Variants in INPP5A observed in about 807,000 individuals in gnomAD.
The protein encoded by INPP5A is inositol polyphosphate-5-phosphatase A, also known as 43 kDa inositol polyphosphate 5-phophatase.
A neutral mutation model predicts 65.2 loss-of-function variants in INPP5A; 14 were observed. That is an observed-to-expected ratio of 0.21 (90% CI 0.14 to 0.34). The LOEUF is 0.34. Among genes scored for constraint, INPP5A ranks in the 10% least tolerant of loss-of-function variants. The probability of loss-of-function intolerance (pLI) is 1.00; values close to 1 mark genes in which losing one functional copy is unlikely to be tolerated. For missense variants in INPP5A, 431 were observed against 545.6 expected (o/e 0.79, Z 2.09); for synonymous variants, 207 against 208.3 (o/e 0.99, Z 0.05).
chr10:132,714,548 C>T (rs879328748), intron 8 of INPP5A, among the ~76,000 whole-genome samples: 3 of 152,178 alleles, frequency 2.0e-5, no homozygotes, highest in African/African-American at 7.2e-5. Flanking sequence ...TCTCCCCGCG[C>T]GGCTTCCCAG....
At chr10:132,553,172 G>C (rs1055052000) in intron 1 of INPP5A, among the ~76,000 whole-genome samples, 1 of 114,080 alleles carries the variant, frequency 8.8e-6, no homozygotes, top group Non-Finnish European at 1.8e-5. Flanking sequence ...TCAGAGCCTT[G>C]GTGGCATATT....
intron 4 of INPP5A, among the ~76,000 whole-genome samples, chr10:132,661,860 C>G (rs777227576): frequency 6.6e-6 from 1 of 152,172 alleles, no homozygotes; most frequent in Non-Finnish European, 1.5e-5. Context: ...TATGGAGAGT[C>G]TAGAAAGTGG....
At chr10:132,666,828 A>G (rs1017334005) in intron 4 of INPP5A, among the ~76,000 whole-genome samples, 4 of 151,982 alleles carry the variant, frequency 2.6e-5, no homozygotes, top group Non-Finnish European at 5.9e-5. Context: ...CTACCCACCC[A>G]CCTCATCCGT....
intron 7 of INPP5A, among the ~76,000 whole-genome samples, chr10:132,709,092 G>A (rs1053238925): frequency 1.3e-5 from 2 of 151,514 alleles, no homozygotes; most frequent in African/African-American, 4.9e-5. Context: ...ACCCAGGAGT[G>A]GCTTTTCTGG....
Position 132,726,974 on chromosome 10 carries a change from G to A in INPP5A, c.732+69G>A, listed in dbSNP as rs556026024. On this transcript the variant is annotated intron_variant, in intron 9 of 15. Coordinates refer to ENST00000368594, the MANE Select transcript of INPP5A (RefSeq NM_005539.5). Reference sequence around the variant, plus strand: ...TGTGTTGAGGAAAACAGTGGAAGGAGCGTGGCCCCTTACTGGCACTTTCAA... The same window carrying A: ...TGTGTTGAGGAAAACAGTGGAAGGAACGTGGCCCCTTACTGGCACTTTCAA... 102 of 1,130,100 alleles carry A rather than the reference G, an allele frequency of 9.0e-5. No individual in the cohort carries two copies. In the African/African-American group the frequency reaches 1.4e-3, roughly 16 times the overall value. 70.0% of individuals were successfully genotyped at this position (1,130,100 alleles called of 1,614,324 possible).
At chr10:132,610,545 T>C (rs2071930464) in intron 2 of INPP5A, among the ~76,000 whole-genome samples, 1 of 152,204 alleles carries the variant, frequency 6.6e-6, no homozygotes, top group Non-Finnish European at 1.5e-5. Context: ...GGCCTGCCAG[T>C]GGACGTTGGC....
chr10:132,726,130 A>G (rs1845979979), intron 8 of INPP5A, among the ~76,000 whole-genome samples: 1 of 152,170 alleles, frequency 6.6e-6, no homozygotes, highest in Non-Finnish European at 1.5e-5. Context: ...AACCTTTAGG[A>G]AACTGATTGT....
chr10:132,734,437 C>T (rs1032195095), intron 9 of INPP5A, among the ~76,000 whole-genome samples: 2 of 152,238 alleles, frequency 1.3e-5, no homozygotes, highest in African/African-American at 2.4e-5. Context: ...GGAATTGGAG[C>T]GTGCAGCAGC....
chr10:132,577,230 G>T lies in INPP5A; in HGVS notation c.76-30685G>T, dbSNP rs1890178. Among the ~76,000 whole-genome samples the T allele has an allele frequency of 9.2e-5, 14 of 152,116 alleles. No homozygotes were observed. In the South Asian group the frequency reaches 1.2e-3, roughly 13 times the overall value. On this transcript the variant is annotated intron_variant, in intron 1 of 15. Coordinates refer to ENST00000368594, the MANE Select transcript of INPP5A (RefSeq NM_005539.5). ...GAGTGCAGGTGGGTTGCTCCCCCCC[G>T]GCACGCCGCCCGTGGTGCATCACGT...
At chr10:132,585,997 G>A (rs2071540776) in intron 1 of INPP5A, among the ~76,000 whole-genome samples, 1 of 152,220 alleles carries the variant, frequency 6.6e-6, no homozygotes, top group African/African-American at 2.4e-5. Context: ...GGAACTGGAG[G>A]CCTCCCTGGA....
intron 6 of INPP5A, among the ~76,000 whole-genome samples, chr10:132,699,418 G>A (rs904530415): frequency 2.0e-5 from 3 of 152,108 alleles, no homozygotes; most frequent in Admixed American, 6.5e-5. Context: ...CATGAGGAGA[G>A]CAGCTGTGGG....
rs998358078 is a variant in INPP5A at position 132,632,039 on chromosome 10, C to T, written c.118-13829C>T. Among the ~76,000 whole-genome samples the T allele has an allele frequency of 2.6e-5, 4 of 152,358 alleles. No homozygotes were observed. In the South Asian group the frequency reaches 8.3e-4, roughly 32 times the overall value. ...AGACTCGTGGGTGGAGATGTGCACC[C>T]CCATGGGGGTTGTGTCTCTTCACAG... On this transcript the variant is annotated intron_variant, in intron 2 of 15. Coordinates refer to ENST00000368594, the MANE Select transcript of INPP5A (RefSeq NM_005539.5).
Position 132,770,307 on chromosome 10 carries a change from C to T in INPP5A, c.977+4461C>T, listed in dbSNP as rs150329378. 6.9e-3 allele frequency among the ~76,000 whole-genome samples: 1,054 copies of T among 152,356 alleles called. 5 individuals carry two copies. The highest frequency in any genetic ancestry group is 0.022 in the South Asian group (104 of 4,822). ...AAGTCACCGCAGTGTCGCCGGCCAT[C>T]GGGTGGCTCCTGTTGCAGCTTCCGG... On this transcript the variant is annotated intron_variant, in intron 12 of 15. Transcript: ENST00000368594.
intron 9 of INPP5A, among the ~76,000 whole-genome samples, chr10:132,731,808 T>G (rs193172343): frequency 6.6e-6 from 1 of 152,248 alleles, no homozygotes; most frequent in South Asian, 2.1e-4. Context: ...AAGCCGCATG[T>G]GCTCTGTGGT....
intron 1 of INPP5A, among the ~76,000 whole-genome samples, chr10:132,599,385 A>G (rs902747745): frequency 2.6e-5 from 4 of 152,234 alleles, no homozygotes; most frequent in Admixed American, 6.5e-5. Context: ...AAGCTCCAAA[A>G]TGATCTCCTT....
rs145745365 is a variant in INPP5A at position 132,769,068 on chromosome 10, G to A, written c.977+3222G>A. 1.8e-3 allele frequency among the ~76,000 whole-genome samples: 279 copies of A among 152,358 alleles called. 1 individual carries two copies. The highest frequency in any genetic ancestry group is 6.0e-3 in the African/African-American group (249 of 41,590). ...ACAGCCGCACCCGGGGCGTTGGTGC[G>A]TACACTGGCAGAGTGACGCCAGGAA... On this transcript the variant is annotated intron_variant, in intron 12 of 15. Transcript: ENST00000368594.
intron 4 of INPP5A, among the ~76,000 whole-genome samples, chr10:132,689,433 C>T (rs1292237848): frequency 1.3e-5 from 2 of 152,214 alleles, no homozygotes; most frequent in African/African-American, 2.4e-5. Flanking sequence ...CAGCTATCTC[C>T]TATGAGATAG....
At chr10:132,681,194 C>CA (rs1160711452) in intron 4 of INPP5A, among the ~76,000 whole-genome samples, 1 of 152,220 alleles carries the variant, frequency 6.6e-6, no homozygotes, top group Non-Finnish European at 1.5e-5. Flanking sequence ...CCTGTCAAAA[C>CA]AGACCACTCG....
intron 8 of INPP5A, among the ~76,000 whole-genome samples, chr10:132,724,630 A>G (rs1412126891): frequency 6.6e-6 from 1 of 151,942 alleles, no homozygotes; most frequent in Non-Finnish European, 1.5e-5. Context: ...TTCACCGCAG[A>G]TGGGGGTTAC....
Sources: allele counts gnomAD v4.1 joint callset (sites outside exome capture counted in the v4.1 genomes callset), GRCh38; gene constraint gnomAD v4.1.1; transcripts MANE v1.5; gene names NCBI Gene and HGNC (gene_info 2026-07-23, HGNC 2026-07-21).